The following EIF4E3 variants were observed in gnomAD, a reference collection of about 807,000 sequenced individuals.
EIF4E3 encodes eukaryotic translation initiation factor 4E family member 3.
In EIF4E3, 26 loss-of-function variants were observed where a neutral mutation model predicts 31.7. The ratio of observed to expected loss-of-function variants is 0.82; its 90% CI spans 0.60 to 1.14. The LOEUF is 1.14. Ranked by LOEUF, EIF4E3 falls within the 50% of genes most tolerant of loss-of-function variation. The pLI, the probability that EIF4E3 is intolerant of heterozygous loss-of-function variation, is 0.00. For synonymous variants in EIF4E3, 128 were observed against 107.7 expected, an observed-to-expected ratio of 1.19 and a Z score of -1.17; for missense variants, 304 against 270.9, an observed-to-expected ratio of 1.12 and a Z score of -0.86.
chr3:71,713,958 C>G (rs2049420139), intron 1 of EIF4E3, among the ~76,000 whole-genome samples: 1 of 152,088 alleles, frequency 6.6e-6, no homozygotes, highest in African/African-American at 2.4e-5. Flanking sequence ...CACCTGTAAT[C>G]TCTGCACTCT....
chr3:71,704,591 G>T (rs17664691), intron 2 of EIF4E3, among the ~76,000 whole-genome samples: 51,255 of 152,084 alleles, frequency 0.34, 8,887 homozygotes, highest in Middle Eastern at 0.46. Flanking sequence ...AAAGCCTAAG[G>T]ACAACAGGGC....
chr3:71,727,733 T>C (rs2049656848), upstream of EIF4E3, among the ~76,000 whole-genome samples: 1 of 152,222 alleles, frequency 6.6e-6, no homozygotes, highest in African/African-American at 2.4e-5. Context: ...AAGTGACACA[T>C]ATCTGTATAA....
chr3:71,725,181 C>A lies in EIF4E3; in HGVS notation c.176+11G>T. On this transcript the variant is annotated intron_variant, in intron 1 of 6. Coordinates refer to ENST00000425534, the MANE Select transcript of EIF4E3 (RefSeq NM_001134651.2). The surrounding 1 kb of genome is among the most constrained non-coding windows in gnomAD (Gnocchi z 6.1). Reference sequence around the variant, plus strand: ...TCGGGGCCGTGCGCGGCGGGCCCCGCGCCCCCTCACCTGTCGAGCCAGAAG... The same window carrying A: ...TCGGGGCCGTGCGCGGCGGGCCCCGAGCCCCCTCACCTGTCGAGCCAGAAG... 9.2e-7 allele frequency: 1 copy of A among 1,087,752 alleles called. No homozygotes were observed. The highest frequency in any genetic ancestry group is 3.4e-5 in the South Asian group (1 of 29,274). The allele number at this position is 1,087,752 out of a possible 1,614,324, so 67.4% of individuals were successfully genotyped here.
upstream of EIF4E3, among the ~76,000 whole-genome samples, chr3:71,729,783 C>G (rs1004438732): frequency 7.5e-6 from 1 of 132,562 alleles, no homozygotes; most frequent in Admixed American, 8.2e-5. Context: ...CTCTGGGAGC[C>G]TACATTCCAA....
At chr3:71,704,103 G>GT (rs1463736780) in intron 2 of EIF4E3, among the ~76,000 whole-genome samples, 1 of 152,192 alleles carries the variant, frequency 6.6e-6, no homozygotes, top group Non-Finnish European at 1.5e-5. Context: ...AGAGAAATGG[G>GT]TTTTCCTTTG....
At chr3:71,673,928 TATA>T (rs2048859120), downstream of EIF4E3, among the ~76,000 whole-genome samples, 3 of 142,820 alleles carry the variant, frequency 2.1e-5, no homozygotes, top group South Asian at 6.4e-4. Flanking sequence ...TATATATATA[TATA>T]AAAAACATAA....
intron 1 of EIF4E3, among the ~76,000 whole-genome samples, chr3:71,715,842 G>T (rs1273931469): frequency 6.6e-6 from 1 of 152,168 alleles, no homozygotes; most frequent in Non-Finnish European, 1.5e-5. Flanking sequence ...CTGTCAGGCT[G>T]GTTTCATTAT....
chr3:71,713,108 T>C (rs1002892975), intron 1 of EIF4E3, among the ~76,000 whole-genome samples: 4 of 152,158 alleles, frequency 2.6e-5, no homozygotes, highest in Non-Finnish European at 4.4e-5. Context: ...GTGACTAACA[T>C]GTAAGTGCCG....
In EIF4E3 at chr3:71,677,111, A is replaced by G. The variant is rs544888639; in HGVS notation, c.*7571T>C. ...GAGTTCAACATGCTTACGATTATAA[A>G]GAATTTATGATTTATGCTTGCTAGT... On this transcript the variant is annotated 3_prime_UTR_variant, in exon 7 of 7. Transcript: ENST00000425534. 1 of 152,332 alleles carries G rather than the reference A, an allele frequency of 6.6e-6. No homozygotes were observed. The highest frequency in any genetic ancestry group is 2.1e-4 in the South Asian group (1 of 4,830). The allele number at this position is 152,332 out of a possible 1,614,324, so 9.4% of individuals were successfully genotyped here.
intron 1 of EIF4E3, among the ~76,000 whole-genome samples, chr3:71,723,367 T>TATTA (rs2049580635): frequency 1.3e-5 from 2 of 152,228 alleles, no homozygotes; most frequent in Admixed American, 1.3e-4. Flanking sequence ...TGGAACTCAT[T>TATTA]ATAATTTCTA....
intron 5 of EIF4E3, among the ~76,000 whole-genome samples, chr3:71,692,609 T>G (rs1338977558): frequency 6.6e-6 from 1 of 152,056 alleles, no homozygotes; most frequent in Non-Finnish European, 1.5e-5. Flanking sequence ...TTTTTTTTTT[T>G]TTTTGAAACA....
intron 1 of EIF4E3, among the ~76,000 whole-genome samples, chr3:71,738,445 T>C (rs963897279): frequency 3.3e-5 from 5 of 151,806 alleles, no homozygotes; most frequent in African/African-American, 9.7e-5. Flanking sequence ...TGTGGGTAGG[T>C]TGAAAGGGAA....
chr3:71,673,894 A>G (rs1372823364), downstream of EIF4E3, among the ~76,000 whole-genome samples: 2 of 144,616 alleles, frequency 1.4e-5, no homozygotes, highest in Non-Finnish European at 3.0e-5. Flanking sequence ...CAGGATTAAA[A>G]TAATAATATA....
chr3:71,744,602 G>T (rs1361301001), intron 1 of EIF4E3, among the ~76,000 whole-genome samples: 1 of 152,118 alleles, frequency 6.6e-6, no homozygotes, highest in Non-Finnish European at 1.5e-5. Context: ...AAAATTAGCT[G>T]GGCATGGTGG....
At chr3:71,707,452 G>A (rs933554823) in intron 2 of EIF4E3, among the ~76,000 whole-genome samples, 4 of 152,140 alleles carry the variant, frequency 2.6e-5, no homozygotes, top group African/African-American at 9.7e-5. Context: ...GCATTACTAA[G>A]AACTATATAC....
At chr3:71,752,129 C>T (rs996143103) in intron 1 of EIF4E3, among the ~76,000 whole-genome samples, 8 of 152,180 alleles carry the variant, frequency 5.3e-5, no homozygotes, top group African/African-American at 1.7e-4. Context: ...TCCAAACTGT[C>T]CCCAAGGGCC....
At chr3:71,720,663 A>G (rs772333903) in intron 1 of EIF4E3, among the ~76,000 whole-genome samples, 23 of 152,226 alleles carry the variant, frequency 1.5e-4, no homozygotes, top group Admixed American at 6.5e-4. Flanking sequence ...CTGCTATGGC[A>G]GAGGAACAGG....
chr3:71,703,168 T>A (rs1451238344), intron 2 of EIF4E3, among the ~76,000 whole-genome samples: 3 of 152,196 alleles, frequency 2.0e-5, no homozygotes, highest in Non-Finnish European at 4.4e-5. Context: ...TGAACATCAT[T>A]CATTCAGTCA....
At chr3:71,750,830 T>G (rs1438107553) in intron 1 of EIF4E3, among the ~76,000 whole-genome samples, 1 of 151,734 alleles carries the variant, frequency 6.6e-6, no homozygotes, top group Non-Finnish European at 1.5e-5. Flanking sequence ...GTGACACGAT[T>G]TCGGCTCACT....
Sources: gnomAD v4.1 joint callset for allele counts (sites outside exome capture counted in the v4.1 genomes callset) on GRCh38, gnomAD v4.1.1 for gene constraint, Gnocchi (gnomAD v3.1) non-coding constraint, MANE v1.5 for transcripts, NCBI Gene and HGNC (gene_info 2026-07-23, HGNC 2026-07-21) for gene names.